Variants in ZNF365 observed in about 807,000 individuals in gnomAD.
ZNF365 encodes zinc finger protein 365.
ZNF365 carries 22 observed loss-of-function variants against 35.0 expected under a neutral mutation model. The observed-to-expected ratio is 0.63, with a 90% CI of 0.45 to 0.90. The LOEUF (loss-of-function observed/expected upper bound fraction) is 0.90, where lower values mean the gene tolerates loss of function less well. Among genes scored for constraint, ZNF365 ranks in the 40% least tolerant of loss-of-function variants. The pLI is 0.00. For synonymous variants in ZNF365, 188 were observed against 196.2 expected (o/e 0.96, Z 0.35); for missense variants, 448 against 500.3 (o/e 0.90, Z 1.00).
chr10:62,374,385 C>G lies in ZNF365; in HGVS notation c.-87C>G, dbSNP rs1360800761. On this transcript the variant is annotated 5_prime_UTR_variant, in exon 1 of 5. Transcript: ENST00000395254. ...GCCCGGCTCAGTCTGATTTACGGCT[C>G]TGCTGAAAACCGCTTCGCTCCCGCA... 6.6e-6 allele frequency: 1 copy of G among 152,142 alleles called. No homozygotes were observed. Among genetic ancestry groups the G allele is most frequent in the Admixed American group, 6.5e-5 (1 of 15,280 alleles). 9.4% of individuals were successfully genotyped at this position (152,142 alleles called of 1,614,324 possible).
chr10:62,439,296 C>T (rs1198792264), intron 3 of ZNF365, among the ~76,000 whole-genome samples: 2 of 151,464 alleles, frequency 1.3e-5, no homozygotes, highest in African/African-American at 4.9e-5. Flanking sequence ...ATGTGTATTC[C>T]TTCATTGTGT....
intron 4 of ZNF365, among the ~76,000 whole-genome samples, chr10:62,464,873 A>C (rs1840912174): frequency 6.6e-6 from 1 of 152,224 alleles, no homozygotes; most frequent in South Asian, 2.1e-4. Context: ...TGGAGTGGCC[A>C]CTACAAGGAT....
At chr10:62,479,112 T>G (rs1841179850) in intron 4 of ZNF365, among the ~76,000 whole-genome samples, 1 of 152,200 alleles carries the variant, frequency 6.6e-6, no homozygotes, top group African/African-American at 2.4e-5. Context: ...TCTGTCCAAT[T>G]AAAGGGATTT....
chr10:62,398,722 T>A lies in ZNF365; in HGVS notation c.925-18T>A, dbSNP rs771268222. The A allele has an allele frequency of 1.9e-6, 3 of 1,609,660 alleles. No individual in the cohort carries two copies. In the African/African-American group the frequency reaches 4.0e-5, roughly 22 times the overall value. ...CCTCAAATGCAGTTAACATTTTTTC[T>A]TATTTGTTTTCCTTCAGCTTACAGA... is the stretch of plus-strand genomic sequence containing the variant. On this transcript the variant is annotated intron_variant, in intron 3 of 4. Transcript: ENST00000395254.
intron 3 of ZNF365, among the ~76,000 whole-genome samples, chr10:62,391,685 A>C (rs922494525): frequency 1.1e-4 from 17 of 152,220 alleles, no homozygotes; most frequent in Non-Finnish European, 4.4e-5. Context: ...GTATTTTTTC[A>C]ATTGCAAATT....
chr10:62,429,728 T>G (rs7915407), intron 3 of ZNF365, among the ~76,000 whole-genome samples: 1 of 152,178 alleles, frequency 6.6e-6, no homozygotes, highest in Non-Finnish European at 1.5e-5. Context: ...AGAAATTAGC[T>G]TTTTTCCTTC....
chr10:62,431,209 G>A (rs1396452276), intron 3 of ZNF365, among the ~76,000 whole-genome samples: 2 of 152,104 alleles, frequency 1.3e-5, no homozygotes, highest in African/African-American at 4.8e-5. Context: ...GAAACACAGT[G>A]GCTTTCTCCC....
At chr10:62,463,897 A>G (rs748761905) in intron 4 of ZNF365, among the ~76,000 whole-genome samples, 2 of 152,250 alleles carry the variant, frequency 1.3e-5, no homozygotes, top group African/African-American at 4.8e-5. Context: ...CTAACAGGTC[A>G]CCCCTCCAAC....
At chr10:62,469,867 C>T (rs1404440693) in intron 4 of ZNF365, among the ~76,000 whole-genome samples, 1 of 152,138 alleles carries the variant, frequency 6.6e-6, no homozygotes, top group Non-Finnish European at 1.5e-5. Flanking sequence ...GAGGTAGCAA[C>T]TGGTGAAGCC....
At chr10:62,390,851 C>T (rs1839615777) in intron 3 of ZNF365, among the ~76,000 whole-genome samples, 1 of 151,984 alleles carries the variant, frequency 6.6e-6, no homozygotes, top group African/African-American at 2.4e-5. Flanking sequence ...TGTATCTAAA[C>T]AGATAGAGAA....
At chr10:62,461,865 C>G (rs996512330) in intron 4 of ZNF365, among the ~76,000 whole-genome samples, 1 of 152,124 alleles carries the variant, frequency 6.6e-6, no homozygotes, top group Non-Finnish European at 1.5e-5. Context: ...TTAATCCCTT[C>G]GACAATAAGC....
chr10:62,384,781 C>T (rs559963429), intron 2 of ZNF365, among the ~76,000 whole-genome samples: 8 of 152,342 alleles, frequency 5.3e-5, no homozygotes, highest in Non-Finnish European at 1.0e-4. Context: ...TATCAGTGAA[C>T]ATTTTGTACT....
chr10:62,416,061 C>T (rs1470793028), intron 3 of ZNF365, among the ~76,000 whole-genome samples: 1 of 152,118 alleles, frequency 6.6e-6, no homozygotes, highest in East Asian at 1.9e-4. Context: ...TCCTATCTTG[C>T]TTCTTGGATT....
In ZNF365 at chr10:62,376,486, A is replaced by G. The variant is rs1413986997; in HGVS notation, c.293A>G (p.Tyr98Cys). 1 of 1,614,016 alleles carries G rather than the reference A, an allele frequency of 6.2e-7. No homozygotes were observed. The highest frequency in any genetic ancestry group is 1.3e-5 in the African/African-American group (1 of 74,926). ...SGNVVKQKPSYVNLYSISHEH... is the reference protein window; with the variant it reads ...SGNVVKQKPSCVNLYSISHEH... The stretch of plus-strand genomic sequence containing the variant: ...AACGTGGTAAAGCAGAAACCGAGCT[A>G]TGTTAACTTGTACAGCATTTCACAT... Residue 98 changes from tyrosine (Y) to cysteine (C), a missense_variant, in exon 2 of 5, where the codon TAT becomes TGT. Around this residue, in one of 3 missense-constraint regions of ZNF365, gnomAD observed 10 missense variants for 27.9 expected, o/e 0.36. Coordinates refer to ENST00000395254, the MANE Select transcript of ZNF365 (RefSeq NM_014951.3).
downstream of ZNF365, among the ~76,000 whole-genome samples, chr10:62,406,509 G>T (rs1328370432): frequency 6.6e-6 from 1 of 152,134 alleles, no homozygotes; most frequent in South Asian, 2.1e-4. Flanking sequence ...AGTGCCAGAT[G>T]CAGTACCCAG....
At chr10:62,375,881 TC>T (rs3063794) in intron 1 of ZNF365, 78,398 of 266,136 alleles carry the variant, frequency 0.29, 12,584 homozygotes, top group African/African-American at 0.41. Context: ...GCAAACTTTT[TC>T]TGTAAAGGTA....
chr10:62,376,691 T>C lies in ZNF365; in HGVS notation c.498T>C (p.Asn166=). 6.2e-7 allele frequency: 1 copy of C among 1,614,112 alleles called. No homozygotes were observed. Among genetic ancestry groups the C allele is most frequent in the Non-Finnish European group, 8.5e-7 (1 of 1,180,030 alleles). Residue 166 remains asparagine (N), a synonymous_variant, in exon 2 of 5, where the codon AAT becomes AAC. Coordinates refer to ENST00000395254, the MANE Select transcript of ZNF365 (RefSeq NM_014951.3). ...SFEAHVREKF[N]RMVEAVDRTI... is the part of the protein sequence containing the mutation. ...AGGCACATGTCAGAGAAAAATTCAA[T>C]CGAATGGTTGAGGCTGTGGATAGGA...
intron 3 of ZNF365, among the ~76,000 whole-genome samples, chr10:62,444,122 C>G (rs1209008155): frequency 6.6e-6 from 1 of 152,174 alleles, no homozygotes; most frequent in Non-Finnish European, 1.5e-5. Context: ...CAGCCATTTC[C>G]TCTCACTCCA....
In ZNF365 at chr10:62,395,504, ATTTTTTT is replaced by A. The variant is rs67866839; in HGVS notation, c.925-3219_925-3213del. ...AGGCACCCACCACCACACCCGGCTA[ATTTTTTT>A]TTTTTTTTTTTTTTTTGTATTTTTA... On this transcript the variant is annotated intron_variant, in intron 3 of 4. Transcript: ENST00000395254. 1.1e-3 allele frequency among the ~76,000 whole-genome samples: 104 copies of A among 98,468 alleles called. 1 individual carries two copies. The highest frequency in any genetic ancestry group is 2.1e-3 in the African/African-American group (56 of 26,250). 64.6% of individuals were successfully genotyped at this position (98,468 alleles called of 152,430 possible).
Sources: gnomAD v4.1 joint callset for allele counts (sites outside exome capture counted in the v4.1 genomes callset) on GRCh38, gnomAD v4.1.1 for gene constraint, gnomAD v4.1.1 regional missense constraint, MANE v1.5 for transcripts, NCBI Gene and HGNC (gene_info 2026-07-23, HGNC 2026-07-21) for gene names.